Variants in GLCE observed in about 807,000 individuals in gnomAD.
GLCE encodes glucuronic acid epimerase.
GLCE carries 19 observed loss-of-function variants against 47.9 expected under a neutral mutation model. The ratio of observed to expected loss-of-function variants is 0.40; its 90% CI spans 0.28 to 0.58. The LOEUF (loss-of-function observed/expected upper bound fraction) is 0.58, where lower values mean the gene tolerates loss of function less well. GLCE is among the 20% of genes least tolerant of loss of function. GLCE has a pLI of 0.48. For synonymous variants in GLCE, 245 were observed against 263.4 expected (o/e 0.93, Z 0.68); for missense variants, 556 against 743.3 (o/e 0.75, Z 2.93).
chr15:69,161,649 T>C (rs1472110269), intron 1 of GLCE, among the ~76,000 whole-genome samples: 2 of 152,214 alleles, frequency 1.3e-5, no homozygotes, highest in African/African-American at 4.8e-5. Context: ...TCCTTCTCTC[T>C]GGATGAGATT....
At chr15:69,237,606 TA>T (rs57543372) in intron 2 of GLCE, among the ~76,000 whole-genome samples, 266 of 146,508 alleles carry the variant, frequency 1.8e-3, no homozygotes, top group African/African-American at 4.6e-3. Flanking sequence ...CCAAAAAAAT[TA>T]AAAAAAAAAA....
chr15:69,171,506 C>T (rs1362076055), intron 1 of GLCE, among the ~76,000 whole-genome samples: 1 of 151,446 alleles, frequency 6.6e-6, no homozygotes, highest in Non-Finnish European at 1.5e-5. Context: ...AAGCAATTCT[C>T]TTGCCTTAGC....
At chr15:69,255,673 G>T in intron 2 of GLCE, 121 bp from the exon 3 acceptor site, 1 of 569,642 alleles carries the variant, frequency 1.8e-6, no homozygotes, top group Non-Finnish European at 3.0e-6. Flanking sequence ...TTTTAAATCT[G>T]ATCCAAAATT....
chr15:69,171,146 A>G (rs900464331), intron 1 of GLCE, among the ~76,000 whole-genome samples: 1 of 152,010 alleles, frequency 6.6e-6, no homozygotes, highest in Admixed American at 6.6e-5. Flanking sequence ...AAAATTATTC[A>G]TTTACTTAAA....
chr15:69,217,604 GT>G (rs1462438504), intron 2 of GLCE, among the ~76,000 whole-genome samples: 14 of 152,094 alleles, frequency 9.2e-5, no homozygotes, highest in African/African-American at 3.4e-4. Flanking sequence ...CCTGCTAGCA[GT>G]TTTGCATGTA....
intron 4 of GLCE, among the ~76,000 whole-genome samples, chr15:69,264,071 A>G (rs1034518962): frequency 3.3e-5 from 5 of 152,148 alleles, no homozygotes; most frequent in Admixed American, 2.0e-4. Context: ...ATACAGTATT[A>G]TAAGCTGTAG....
At chr15:69,177,676 T>C (rs1460641593) in intron 1 of GLCE, among the ~76,000 whole-genome samples, 27 of 141,708 alleles carry the variant, frequency 1.9e-4, no homozygotes, top group African/African-American at 5.0e-4. Flanking sequence ...TTATCTTTAC[T>C]TCATGCCCCT....
chr15:69,219,589 G>T (rs1254369977), intron 2 of GLCE, among the ~76,000 whole-genome samples: 1 of 152,084 alleles, frequency 6.6e-6, no homozygotes. Context: ...AACTAGTTGT[G>T]TGACTTTGGA....
At chr15:69,240,855 C>A (rs1160170548) in intron 2 of GLCE, among the ~76,000 whole-genome samples, 2 of 152,018 alleles carry the variant, frequency 1.3e-5, no homozygotes, top group Non-Finnish European at 2.9e-5. Flanking sequence ...CCAATATATA[C>A]AATTGACATT....
intron 2 of GLCE, among the ~76,000 whole-genome samples, chr15:69,231,542 C>T (rs1420808497): frequency 6.6e-6 from 1 of 152,114 alleles, no homozygotes; most frequent in Non-Finnish European, 1.5e-5. Context: ...CTCAGCCTCC[C>T]AAAGTGCTGG....
At chr15:69,170,035 A>G (rs1423745784) in intron 1 of GLCE, among the ~76,000 whole-genome samples, 1 of 152,156 alleles carries the variant, frequency 6.6e-6, no homozygotes, top group Admixed American at 6.5e-5. Context: ...TCCCTACCTG[A>G]TTTGTTTAAA....
chr15:69,250,547 G>T (rs748562029), intron 2 of GLCE, among the ~76,000 whole-genome samples: 1 of 150,884 alleles, frequency 6.6e-6, no homozygotes, highest in Non-Finnish European at 1.5e-5. Flanking sequence ...TCGCTGTGTT[G>T]CCCAGGCTGG....
intron 2 of GLCE, among the ~76,000 whole-genome samples, chr15:69,222,959 A>G (rs2140392055): frequency 6.6e-6 from 1 of 152,336 alleles, no homozygotes; most frequent in Admixed American, 6.5e-5. Flanking sequence ...TTTAACTTCA[A>G]TAATATCCAA....
intron 1 of GLCE, among the ~76,000 whole-genome samples, chr15:69,199,866 T>G (rs1158320038): frequency 2.0e-5 from 3 of 152,178 alleles, no homozygotes; most frequent in Non-Finnish European, 2.9e-5. Flanking sequence ...CATCATAGTC[T>G]GGGAACCTCT....
Position 69,272,157 on chromosome 15 carries a change from T to G in GLCE, c.*2913T>G, listed in dbSNP as rs146015359. 63 of 152,810 alleles carry G rather than the reference T, an allele frequency of 4.1e-4. No homozygotes were observed. The highest frequency in any genetic ancestry group is 1.5e-3 in the African/African-American group (63 of 41,594). 9.5% of individuals were successfully genotyped at this position (152,810 alleles called of 1,614,324 possible). A position where few individuals can be genotyped will look rare whatever the true frequency, so the allele number is the denominator to read the frequency against. On this transcript the variant is annotated 3_prime_UTR_variant, in exon 5 of 5. Coordinates refer to ENST00000261858, the MANE Select transcript of GLCE (RefSeq NM_015554.3). The stretch of plus-strand genomic sequence containing the variant: ...AAGTAAATGGATTGTTTGTGCTTAA[T>G]GTAAAGCCGCTTTATAAAACTGTAA...
At chr15:69,235,508 A>G (rs1164397557) in intron 2 of GLCE, among the ~76,000 whole-genome samples, 1 of 152,160 alleles carries the variant, frequency 6.6e-6, no homozygotes, top group Non-Finnish European at 1.5e-5. Flanking sequence ...TAGGCACTAA[A>G]TTAAGTGTTC....
chr15:69,172,919 G>A (rs2051609447), intron 1 of GLCE, among the ~76,000 whole-genome samples: 1 of 151,996 alleles, frequency 6.6e-6, no homozygotes, highest in South Asian at 2.1e-4. Flanking sequence ...TTTTATATTT[G>A]GTGTGTAAAT....
intron 2 of GLCE, among the ~76,000 whole-genome samples, chr15:69,236,118 G>A (rs1374379904): frequency 6.6e-6 from 1 of 152,192 alleles, no homozygotes. Flanking sequence ...CAGTATCAGT[G>A]CATTGCTGTG....
intron 2 of GLCE, among the ~76,000 whole-genome samples, chr15:69,213,563 A>G (rs1048061904): frequency 3.3e-5 from 5 of 152,112 alleles, no homozygotes; most frequent in African/African-American, 7.2e-5. Context: ...AGAATGTCCT[A>G]TTACTGGTAA....
Sources: gnomAD v4.1 joint callset for allele counts (sites outside exome capture counted in the v4.1 genomes callset) on GRCh38, gnomAD v4.1.1 for gene constraint, MANE v1.5 for transcripts, NCBI Gene and HGNC (gene_info 2026-07-23, HGNC 2026-07-21) for gene names.